Variants in SHCBP1 observed in about 807,000 individuals in gnomAD.
SHCBP1 encodes the protein SHC SH2 domain-binding protein 1.
A neutral mutation model predicts 75.1 loss-of-function variants in SHCBP1; 60 were observed. The observed-to-expected ratio is 0.80, with a 90% CI of 0.65 to 0.99. The LOEUF (loss-of-function observed/expected upper bound fraction) is 0.99. SHCBP1 is among the 50% of genes least tolerant of loss of function. The pLI is 0.00. For missense variants in SHCBP1, 709 were observed against 809.4 expected (o/e 0.88, Z 1.50); for synonymous variants, 290 against 293.2 (o/e 0.99, Z 0.11).
chr16:46,584,059 G>A lies in SHCBP1; in HGVS notation c.1495C>T (p.Gln499Ter), dbSNP rs776015484. Residue 499 changes from glutamine (Q) to a stop codon, truncating the protein, a stop_gained, in exon 11 of 13, where the codon CAG becomes TAG. Coordinates refer to ENST00000303383, the MANE Select transcript of SHCBP1 (RefSeq NM_024745.5). LOFTEE classifies it high-confidence loss of function. ...ATCCCATTGTCACTCAGGGTGCACTGACTCCCAGGGTAGATTTCTATACCA... is the reference window on the plus strand; with the variant it reads ...ATCCCATTGTCACTCAGGGTGCACTAACTCCCAGGGTAGATTTCTATACCA... ...GAGIEIYPGS[Q>*]CTLSDNGIHH... The A allele has an allele frequency of 6.2e-7, 1 of 1,604,144 alleles. No individual in the cohort carries two copies. Among genetic ancestry groups the A allele is most frequent in the South Asian group, 1.1e-5 (1 of 89,082 alleles).
At chr16:46,589,358 G>C (rs1015664352) in intron 10 of SHCBP1, among the ~76,000 whole-genome samples, 9 of 152,028 alleles carry the variant, frequency 5.9e-5, no homozygotes, top group East Asian at 3.8e-4. Flanking sequence ...AAAGGGTATT[G>C]AATTAGGAAA....
At chr16:46,595,952 AG>A in intron 9 of SHCBP1, among the ~76,000 whole-genome samples, 1 of 152,320 alleles carries the variant, frequency 6.6e-6, no homozygotes, top group South Asian at 2.1e-4. Context: ...AATTTTGCTG[AG>A]TATCTCGGAA....
Position 46,621,262 on chromosome 16 carries a change from T to C in SHCBP1, c.98A>G (p.Glu33Gly), listed in dbSNP as rs1259809039. Reference sequence around the variant, plus strand: ...CCCCGGCATGGAGAGCTCACCTTTCTCCAGAGACGCCAGCTCCTGCTCCAC... The same window carrying C: ...CCCCGGCATGGAGAGCTCACCTTTCCCCAGAGACGCCAGCTCCTGCTCCAC... ...WAVEQELASL[E>G]KGLFQDEDSC... Residue 33 changes from glutamate to glycine, a missense_variant, in exon 1 of 13, where the codon GAG becomes GGG. Transcript: ENST00000303383. The C allele has an allele frequency of 6.2e-7, 1 of 1,608,104 alleles. No homozygotes were observed. The highest frequency in any genetic ancestry group is 8.5e-7 in the Non-Finnish European group (1 of 1,178,084).
intron 4 of SHCBP1, among the ~76,000 whole-genome samples, chr16:46,614,238 A>T (rs1965461405): frequency 6.6e-6 from 1 of 152,196 alleles, no homozygotes; most frequent in African/African-American, 2.4e-5. Context: ...CAGGGCCTGA[A>T]ACACTCTGCT....
In SHCBP1 at chr16:46,603,523, T is replaced by C; in HGVS notation, c.1213+16A>G. 6.2e-7 allele frequency: 1 copy of C among 1,613,950 alleles called. No individual in the cohort carries two copies. The highest frequency in any genetic ancestry group is 8.5e-7 in the Non-Finnish European group (1 of 1,179,960). ...TATCACGTGTGAGAGTTTGGTTGTGTGTCTTCCATACTCACCTTCCAACTC... is the reference window on the plus strand; with the variant it reads ...TATCACGTGTGAGAGTTTGGTTGTGCGTCTTCCATACTCACCTTCCAACTC... On this transcript the variant is annotated intron_variant, in intron 8 of 12. Coordinates refer to ENST00000303383, the MANE Select transcript of SHCBP1 (RefSeq NM_024745.5).
chr16:46,610,454 T>G (rs1462864323), intron 4 of SHCBP1, among the ~76,000 whole-genome samples: 1 of 150,296 alleles, frequency 6.7e-6, no homozygotes, highest in Non-Finnish European at 1.5e-5. Context: ...GCTGTTAGCC[T>G]ACACATTACC....
chr16:46,608,173 C>CAG (rs1567451447), intron 5 of SHCBP1, 124 bp downstream of exon 5: 12 of 617,608 alleles, frequency 1.9e-5, no homozygotes, highest in South Asian at 1.2e-4. Context: ...GAAAGAAAAT[C>CAG]AGAGAGAGAG....
At chr16:46,611,104 G>T (rs1317019797) in intron 4 of SHCBP1, among the ~76,000 whole-genome samples, 6 of 152,078 alleles carry the variant, frequency 3.9e-5, no homozygotes, top group African/African-American at 1.4e-4. Flanking sequence ...CCAAAGATGC[G>T]CACATGAGGT....
chr16:46,601,988 TG>T (rs930661094), intron 8 of SHCBP1, among the ~76,000 whole-genome samples: 3 of 152,320 alleles, frequency 2.0e-5, no homozygotes. Flanking sequence ...ATCTTACTCA[TG>T]AACACTCCAT....
At chr16:46,597,183 G>C (rs1965157627) in intron 9 of SHCBP1, among the ~76,000 whole-genome samples, 1 of 152,024 alleles carries the variant, frequency 6.6e-6, no homozygotes, top group South Asian at 2.1e-4. Flanking sequence ...GTCTGGGGTG[G>C]GTGGATCACT....
Position 46,595,570 on chromosome 16 carries a change from C to T in SHCBP1, c.1446G>A (p.Ser482=), listed in dbSNP as rs755976652. The change falls in exon 10 of 13, where the codon TCG becomes TCA. Residue 482 remains serine (S), a synonymous_variant. Transcript: ENST00000303383. ...RTSAEFLMKN[S]DLYGAKGAGI... ...CTTCTACCTTGGCGCCATATAAATCCGAGTTCTTCATTAGAAACTCTGCTG... is the reference window on the plus strand; with the variant it reads ...CTTCTACCTTGGCGCCATATAAATCTGAGTTCTTCATTAGAAACTCTGCTG... The T allele has an allele frequency of 2.5e-6, 4 of 1,613,806 alleles. 1 individual carries two copies. The highest frequency in any genetic ancestry group is 2.2e-5 in the South Asian group (2 of 91,074).
intron 10 of SHCBP1, among the ~76,000 whole-genome samples, chr16:46,589,110 A>G (rs1264671698): frequency 6.6e-6 from 1 of 152,260 alleles, no homozygotes; most frequent in Non-Finnish European, 1.5e-5. Flanking sequence ...GGCCTTCAAC[A>G]AAATTCAACA....
At chr16:46,584,200 G>C (rs1964918329) in intron 10 of SHCBP1, 111 bp from the exon 11 acceptor site, 1 of 641,118 alleles carries the variant, frequency 1.6e-6, no homozygotes, top group African/African-American at 1.8e-5. Flanking sequence ...ACAGCACAAA[G>C]ATAAAGTACT....
At chr16:46,584,243 A>T (rs1964919418) in intron 10 of SHCBP1, 154 bp from the exon 11 acceptor site, 1 of 496,088 alleles carries the variant, frequency 2.0e-6, no homozygotes, top group Non-Finnish European at 3.5e-6. Flanking sequence ...ATTTTTAATC[A>T]ACATTTCCAT....
At chr16:46,621,033 T>C (rs1055458421) in intron 1 of SHCBP1, 25 of 502,266 alleles carry the variant, frequency 5.0e-5, no homozygotes, top group African/African-American at 4.7e-4. Context: ...GGCCAGAGAG[T>C]GCAGGGAGAG....
chr16:46,580,143 A>T lies in SHCBP1; in HGVS notation c.*1586T>A, dbSNP rs912875031. 1.2e-4 allele frequency among the ~76,000 whole-genome samples: 18 copies of T among 150,056 alleles called. No homozygotes were observed. The highest frequency in any genetic ancestry group is 3.5e-3 in the Middle Eastern group (1 of 288). ...CCATCTCAAAAAAAAAAAAAAAGTG[A>T]TTTTTTTTTAAGTTGAATAAATGGT... On this transcript the variant is annotated 3_prime_UTR_variant, in exon 13 of 13. Transcript: ENST00000303383.
chr16:46,604,072 G>A lies in SHCBP1; in HGVS notation c.995C>T (p.Thr332Ile), dbSNP rs199914265. 1.2e-6 allele frequency: 2 copies of A among 1,614,218 alleles called. No individual in the cohort carries two copies. The highest frequency in any genetic ancestry group is 1.7e-6 in the Non-Finnish European group (2 of 1,180,044). Residue 332 changes from threonine to isoleucine, a missense_variant, in exon 7 of 13, where the codon ACT becomes ATT. By Grantham distance (89) the Thr-to-Ile change is moderately conservative. Transcript: ENST00000303383. ...CATCATGGTGGAGGAGACCACATGA[G>A]TGATCTTCTGACCGCTGGAACGGAC... ...KGVRSSGQKI[T>I]HVVSSTMMAG... is the part of the protein sequence containing the mutation.
In SHCBP1 at chr16:46,617,645, C is replaced by A. The variant is rs757026436; in HGVS notation, c.376G>T (p.Val126Leu). Residue 126 changes from valine (V) to leucine (L), a missense_variant, in exon 3 of 13, where the codon GTG becomes TTG. Coordinates refer to ENST00000303383, the MANE Select transcript of SHCBP1 (RefSeq NM_024745.5). ...RAVWHTNVFK[V>L]LVEITDVDFA... ...AAAATTAACCTTACCTCAACCAGCA[C>A]CTTGAACACATTAGTGTGCCAGACT... 4.3e-6 allele frequency: 7 copies of A among 1,613,794 alleles called. No homozygotes were observed. The highest frequency in any genetic ancestry group is 1.3e-5 in the African/African-American group (1 of 74,906).
intron 10 of SHCBP1, among the ~76,000 whole-genome samples, chr16:46,592,172 A>T (rs943892006): frequency 4.6e-5 from 7 of 152,108 alleles, no homozygotes; most frequent in Non-Finnish European, 7.4e-5. Flanking sequence ...AAACAGAACA[A>T]TTATCAAAAA....
Sources: gnomAD v4.1 joint callset for allele counts (sites outside exome capture counted in the v4.1 genomes callset) on GRCh38, gnomAD v4.1.1 for gene constraint, MANE v1.5 for transcripts, NCBI Gene and HGNC (gene_info 2026-07-23, HGNC 2026-07-21) for gene names.